The following DGKI variants were observed in gnomAD, a reference collection of about 807,000 sequenced individuals.
The protein encoded by DGKI is DAG kinase iota.
Under a neutral mutation model 147.5 loss-of-function variants are expected in DGKI, and 55 were observed. That is an observed-to-expected ratio of 0.37 (90% CI 0.30 to 0.47). The LOEUF (loss-of-function observed/expected upper bound fraction) is 0.47, where lower values mean the gene tolerates loss of function less well. DGKI is among the 20% of genes least tolerant of loss of function. The probability of loss-of-function intolerance (pLI) is 1.00; values close to 1 mark genes in which losing one functional copy is unlikely to be tolerated. For missense variants in DGKI, 1,007 were observed against 1,323.8 expected, an observed-to-expected ratio of 0.76 and a Z score of 3.71; for synonymous variants, 469 against 477.1, an observed-to-expected ratio of 0.98 and a Z score of 0.22.
chr7:137,684,939 A>G (rs1462293832), intron 2 of DGKI, among the ~76,000 whole-genome samples: 1 of 152,168 alleles, frequency 6.6e-6, no homozygotes, highest in East Asian at 1.9e-4. Context: ...GCACGCACGC[A>G]CAAACACGCA....
At chr7:137,732,780 T>A (rs1794920337) in intron 1 of DGKI, among the ~76,000 whole-genome samples, 1 of 151,822 alleles carries the variant, frequency 6.6e-6, no homozygotes, top group South Asian at 2.1e-4. Flanking sequence ...AATAGCTGTA[T>A]CTCCAAGTGG....
chr7:137,784,490 C>A (rs1410264694), intron 1 of DGKI, among the ~76,000 whole-genome samples: 1 of 151,970 alleles, frequency 6.6e-6, no homozygotes, highest in African/African-American at 2.4e-5. Flanking sequence ...ACTACTAGAC[C>A]TAAGAAATGA....
intron 27 of DGKI, among the ~76,000 whole-genome samples, chr7:137,456,728 T>C (rs944243123): frequency 1.3e-5 from 2 of 152,208 alleles, no homozygotes; most frequent in African/African-American, 4.8e-5. Context: ...CTCATGGCAA[T>C]GAAGGGCGAG....
intron 1 of DGKI, among the ~76,000 whole-genome samples, chr7:137,712,864 T>A (rs1390770987): frequency 6.6e-6 from 1 of 152,172 alleles, no homozygotes; most frequent in African/African-American, 2.4e-5. Context: ...TTCCAAAGAA[T>A]AATAGACTTT....
intron 1 of DGKI, among the ~76,000 whole-genome samples, chr7:137,702,864 G>A (rs1006175607): frequency 1.3e-5 from 2 of 152,170 alleles, no homozygotes; most frequent in Admixed American, 1.3e-4. Flanking sequence ...AAAACAATCA[G>A]TTATGAATTT....
At position 137,399,109 on chromosome 7, in the gene DGKI, A is replaced by T. The variant is rs118128690; in HGVS notation, c.2921-1696T>A. Among the ~76,000 whole-genome samples the T allele has an allele frequency of 1.2e-4, 18 of 151,816 alleles. No individual in the cohort carries two copies. The East Asian group carries it at 3.5e-3, about 30-fold the overall frequency. On this transcript the variant is annotated intron_variant, in intron 30 of 32. Transcript: ENST00000614521. Reference sequence around the variant, plus strand: ...CAGAACAGCCACCTATCTAAATCTGACATGTTCTTCAAAGGCTAGTCTGTG... The same window carrying T: ...CAGAACAGCCACCTATCTAAATCTGTCATGTTCTTCAAAGGCTAGTCTGTG...
chr7:137,818,213 C>T (rs557025018), intron 1 of DGKI, among the ~76,000 whole-genome samples: 1 of 152,280 alleles, frequency 6.6e-6, no homozygotes, highest in East Asian at 1.9e-4. Flanking sequence ...GAAGTTGGTC[C>T]AAACTGCTCA....
chr7:137,463,415 G>T, intron 27 of DGKI, 74 bp downstream of exon 27: 1 of 1,571,546 alleles, frequency 6.4e-7, no homozygotes, highest in Non-Finnish European at 8.6e-7. Context: ...TGACCACTGG[G>T]GCACAGCCCA....
At chr7:137,463,839 T>A (rs1309721875) in intron 26 of DGKI, among the ~76,000 whole-genome samples, 1 of 152,210 alleles carries the variant, frequency 6.6e-6, no homozygotes, top group African/African-American at 2.4e-5. Context: ...ATTTTCAAGA[T>A]TAAGTCATTT....
intron 20 of DGKI, among the ~76,000 whole-genome samples, chr7:137,533,184 G>A (rs1375494697): frequency 6.6e-6 from 1 of 151,962 alleles, no homozygotes; most frequent in Non-Finnish European, 1.5e-5. Context: ...AGCTACTCAG[G>A]AGGCTGAGGC....
At chr7:137,665,416 G>T (rs3778792) in intron 3 of DGKI, among the ~76,000 whole-genome samples, 21,275 of 152,104 alleles carry the variant, frequency 0.14, 4,389 homozygotes, top group African/African-American at 0.45. Context: ...TACCCCTTGG[G>T]CAGCTTTGCT....
rs187429320 is a variant in DGKI, at chr7:137,715,754, C to A, written c.402-25752G>T. ...TACTCTGTGCTCCCTGATGACTAAC[C>A]AGACAACCTTGATAGAAGCCCAAAC... On this transcript the variant is annotated intron_variant, in intron 1 of 32. Coordinates refer to ENST00000614521, the MANE Select transcript of DGKI (RefSeq NM_001321708.2). Among the ~76,000 whole-genome samples, 299 of 152,286 alleles carry A rather than the reference C, an allele frequency of 2.0e-3. 3 individuals carry two copies. The highest frequency in any genetic ancestry group is 1.3e-3 in the Non-Finnish European group (88 of 68,036).
rs1389527379 is a variant in DGKI, at chr7:137,390,260, C to T, written c.*960G>A. 1 of 152,444 alleles carries T rather than the reference C, an allele frequency of 6.6e-6. No individual in the cohort carries two copies. Among genetic ancestry groups the T allele is most frequent in the Admixed American group, 6.5e-5 (1 of 15,276 alleles). 9.4% of individuals were successfully genotyped at this position (152,444 alleles called of 1,614,324 possible). On this transcript the variant is annotated 3_prime_UTR_variant, in exon 33 of 33. Coordinates refer to ENST00000614521, the MANE Select transcript of DGKI (RefSeq NM_001321708.2). ...TAGAAGTAAACATTGTTAGAGTGCT[C>T]CATTTCCTGTAACCACAGTTCCCAC... is the stretch of plus-strand genomic sequence containing the variant.
chr7:137,681,728 T>C (rs902629219), intron 2 of DGKI, among the ~76,000 whole-genome samples: 7 of 152,220 alleles, frequency 4.6e-5, no homozygotes, highest in Admixed American at 2.0e-4. Flanking sequence ...GTCCAAAATG[T>C]AGCAGTGGGT....
intron 28 of DGKI, among the ~76,000 whole-genome samples, chr7:137,433,984 T>C (rs761633748): frequency 4.9e-4 from 75 of 152,040 alleles, no homozygotes; most frequent in Non-Finnish European, 9.1e-4. Context: ...CCGGCCATGG[T>C]AGCACACACC....
intron 1 of DGKI, among the ~76,000 whole-genome samples, chr7:137,806,460 G>C (rs1365190898): frequency 6.6e-6 from 1 of 151,860 alleles, no homozygotes; most frequent in Non-Finnish European, 1.5e-5. Flanking sequence ...CTGAGACAGA[G>C]TCTTGCTCTG....
intron 6 of DGKI, among the ~76,000 whole-genome samples, chr7:137,638,703 C>A (rs570920147): frequency 7.1e-6 from 1 of 140,640 alleles, no homozygotes; most frequent in Non-Finnish European, 1.5e-5. Flanking sequence ...TACATATGTA[C>A]GCACATAGAT....
chr7:137,626,322 GACACACAC>G (rs111591226), intron 6 of DGKI, among the ~76,000 whole-genome samples: 6,322 of 139,076 alleles, frequency 0.045, 180 homozygotes, highest in South Asian at 0.13. Flanking sequence ...AAGTGCTTCT[GACACACAC>G]ACACACACAC....
At chr7:137,728,216 A>G (rs527449456) in intron 1 of DGKI, among the ~76,000 whole-genome samples, 66 of 152,268 alleles carry the variant, frequency 4.3e-4, no homozygotes, top group African/African-American at 1.4e-3. Context: ...AATGTGGTCC[A>G]ACACAGTGGT....
Sources: gnomAD v4.1 joint callset for allele counts (sites outside exome capture counted in the v4.1 genomes callset) on GRCh38, gnomAD v4.1.1 for gene constraint, MANE v1.5 for transcripts, NCBI Gene and HGNC (gene_info 2026-07-23, HGNC 2026-07-21) for gene names.